The following TXNRD2 variants were observed in gnomAD, a reference collection of about 807,000 sequenced individuals.
TXNRD2 encodes the protein thioredoxin reductase 2, mitochondrial.
In TXNRD2, 67 loss-of-function variants were observed where a neutral mutation model predicts 70.8. The observed-to-expected ratio is 0.95, with a 90% CI of 0.78 to 1.16. The LOEUF (loss-of-function observed/expected upper bound fraction) is 1.16. TXNRD2 is among the 50% of genes most tolerant of loss of function. TXNRD2 has a pLI of 0.00. For synonymous variants in TXNRD2, 301 were observed against 295.8 expected (o/e 1.02, Z -0.18); for missense variants, 644 against 719.9 (o/e 0.89, Z 1.21).
At chr22:19,889,556 A>G (rs1450814219) in intron 11 of TXNRD2, among the ~76,000 whole-genome samples, 1 of 152,200 alleles carries the variant, frequency 6.6e-6, no homozygotes, top group East Asian at 1.9e-4. Flanking sequence ...GGTTGCGGTG[A>G]GCCAGATCGC....
chr22:19,934,382 G>GAAAAAAAAAAAAAAAAAAAAAAAA (rs35669821), intron 1 of TXNRD2, among the ~76,000 whole-genome samples: 2 of 93,762 alleles, frequency 2.1e-5, no homozygotes, highest in African/African-American at 8.1e-5. Context: ...CTCTGTCTCA[G>GAAAAAAAAAAAAAAAAAAAAAAAA]AAAAAAAAAA....
At chr22:19,891,965 C>T (rs544750242) in intron 11 of TXNRD2, among the ~76,000 whole-genome samples, 7 of 152,246 alleles carry the variant, frequency 4.6e-5, no homozygotes, top group African/African-American at 7.2e-5. Flanking sequence ...TGCGGCCAGG[C>T]GCCAGGCACA....
At chr22:19,933,629 T>C in intron 1 of TXNRD2, 1 of 589,434 alleles carries the variant, frequency 1.7e-6, no homozygotes, top group Non-Finnish European at 2.6e-6. Flanking sequence ...TGATAAACAC[T>C]GGCATAGGGC....
In TXNRD2 at chr22:19,918,370, G is replaced by A. The variant is rs12484533; in HGVS notation, c.375-153C>T. 3,164 of 718,190 alleles carry A rather than the reference G, an allele frequency of 4.4e-3. 109 individuals carry two copies. In the Admixed American group the frequency reaches 0.062, roughly 14 times the overall value. 44.5% of individuals were successfully genotyped at this position (718,190 alleles called of 1,614,324 possible). On this transcript the variant is annotated intron_variant, in intron 4 of 17. Transcript: ENST00000400521. ...GGCAAAACGTGACATCCATCCCTACGTGCAACCGCCTGTCCCAGGCTCAGG... is the reference window on the plus strand; with the variant it reads ...GGCAAAACGTGACATCCATCCCTACATGCAACCGCCTGTCCCAGGCTCAGG...
intron 11 of TXNRD2, among the ~76,000 whole-genome samples, chr22:19,885,647 C>G (rs1938995202): frequency 6.6e-6 from 1 of 152,186 alleles, no homozygotes; most frequent in African/African-American, 2.4e-5. Context: ...TCACGCTCAG[C>G]CGTCTGGTCC....
chr22:19,892,100 C>T (rs1238615646), intron 11 of TXNRD2, among the ~76,000 whole-genome samples: 3 of 152,244 alleles, frequency 2.0e-5, no homozygotes, highest in African/African-American at 4.8e-5. Context: ...CCAGCTTGTG[C>T]GGACGTAGTG....
At chr22:19,886,934 C>G (rs546067641) in intron 11 of TXNRD2, among the ~76,000 whole-genome samples, 4 of 152,284 alleles carry the variant, frequency 2.6e-5, no homozygotes, top group African/African-American at 9.6e-5. Context: ...GGCAGACCCT[C>G]AAAGGAAGGG....
At chr22:19,907,483 AGT>A (rs1940102396) in intron 8 of TXNRD2, among the ~76,000 whole-genome samples, 1 of 39,536 alleles carries the variant, frequency 2.5e-5, no homozygotes, top group Non-Finnish European at 4.7e-5. Context: ...CTCTCAGGAG[AGT>A]GTGGGTGCAC....
At chr22:19,907,598 G>GGA (rs561506198) in intron 8 of TXNRD2, among the ~76,000 whole-genome samples, 7 of 37,588 alleles carry the variant, frequency 1.9e-4, no homozygotes, top group South Asian at 3.3e-3. Flanking sequence ...ACCGCTCTCA[G>GGA]GAGTGTGGGC....
chr22:19,920,376 A>G (rs1389508630), intron 2 of TXNRD2, among the ~76,000 whole-genome samples: 2 of 152,120 alleles, frequency 1.3e-5, no homozygotes, highest in African/African-American at 4.8e-5. Context: ...TCAGGAGTTC[A>G]AGACCAGCCT....
At chr22:19,896,368 A>C (rs897023371) in intron 10 of TXNRD2, among the ~76,000 whole-genome samples, 1 of 152,228 alleles carries the variant, frequency 6.6e-6, no homozygotes, top group African/African-American at 2.4e-5. Context: ...TTCTTTAAAA[A>C]ACAAAAACAA....
At chr22:19,902,589 C>A (rs774750998) in intron 8 of TXNRD2, among the ~76,000 whole-genome samples, 36 of 152,214 alleles carry the variant, frequency 2.4e-4, no homozygotes, top group Non-Finnish European at 4.9e-4. Context: ...AGGCCTCCTT[C>A]CCCGGCTTGG....
At chr22:19,938,974 A>C (rs187420264) in intron 1 of TXNRD2, among the ~76,000 whole-genome samples, 130 of 152,336 alleles carry the variant, frequency 8.5e-4, no homozygotes, top group African/African-American at 2.7e-3. Context: ...TTATACAGGC[A>C]AAAAATTCTC....
chr22:19,928,808 A>C (rs1202255271), intron 2 of TXNRD2, among the ~76,000 whole-genome samples: 1 of 151,650 alleles, frequency 6.6e-6, no homozygotes, highest in Non-Finnish European at 1.5e-5. Flanking sequence ...GAAGTTCGAG[A>C]CCAGCTTGAC....
At chr22:19,909,760 TTC>T (rs1940274400) in intron 8 of TXNRD2, among the ~76,000 whole-genome samples, 1 of 16,052 alleles carries the variant, frequency 6.2e-5, no homozygotes, top group South Asian at 2.5e-3. Context: ...ACCCACACCC[TTC>T]ACACACACAC....
At chr22:19,930,894 AC>A in intron 2 of TXNRD2, 135 bp downstream of exon 2, 1 of 789,856 alleles carries the variant, frequency 1.3e-6, no homozygotes, top group Non-Finnish European at 2.2e-6. Flanking sequence ...GGAACAAGCC[AC>A]AACACAGAGG....
At chr22:19,940,117 T>G (rs1387725322) in intron 1 of TXNRD2, among the ~76,000 whole-genome samples, 2 of 151,936 alleles carry the variant, frequency 1.3e-5, no homozygotes, top group East Asian at 3.9e-4. Context: ...TGGTGGCAGA[T>G]GCCTGTAGTC....
chr22:19,913,785 G>A (rs1940515463), intron 7 of TXNRD2, among the ~76,000 whole-genome samples: 1 of 152,188 alleles, frequency 6.6e-6, no homozygotes, highest in Non-Finnish European at 1.5e-5. Context: ...GAAGGCTAGG[G>A]CAGAGCTGTC....
chr22:19,878,991 G>A (rs1398890735), intron 14 of TXNRD2, among the ~76,000 whole-genome samples: 1 of 152,208 alleles, frequency 6.6e-6, no homozygotes, highest in Non-Finnish European at 1.5e-5. Context: ...CACATGTGCT[G>A]TACAGCCATT....
Sources: allele counts gnomAD v4.1 joint callset (sites outside exome capture counted in the v4.1 genomes callset), GRCh38; gene constraint gnomAD v4.1.1; transcripts MANE v1.5; gene names NCBI Gene and HGNC (gene_info 2026-07-23, HGNC 2026-07-21).